The following SEC11A variants were observed in gnomAD, a reference collection of about 807,000 sequenced individuals.
The protein encoded by SEC11A is SEC11 homolog A, signal peptidase complex subunit.
A neutral mutation model predicts 25.6 loss-of-function variants in SEC11A; 14 were observed. The observed-to-expected ratio is 0.55, with a 90% CI of 0.36 to 0.85. The LOEUF (loss-of-function observed/expected upper bound fraction) is 0.85, where lower values mean the gene tolerates loss of function less well. Among genes scored for constraint, SEC11A ranks in the 40% least tolerant of loss-of-function variants. The pLI, the probability that SEC11A is intolerant of heterozygous loss-of-function variation, is 0.01. For synonymous variants in SEC11A, 83 were observed against 76.4 expected (o/e 1.09, Z -0.45); for missense variants, 153 against 222.9 (o/e 0.69, Z 2.00).
At chr15:84,715,983 G>A (rs769744707) in intron 1 of SEC11A, 42 bp downstream of exon 1, 3 of 1,600,244 alleles carry the variant, frequency 1.9e-6, no homozygotes, top group Non-Finnish European at 2.6e-6. Flanking sequence ...AGCCTCGAAG[G>A]GACAAGAAGA....
intron 1 of SEC11A, among the ~76,000 whole-genome samples, chr15:84,707,044 T>G (rs1898115728): frequency 6.6e-6 from 1 of 152,264 alleles, no homozygotes; most frequent in Admixed American, 6.5e-5. Flanking sequence ...TGTGGAATCC[T>G]GTCCCACACT....
intron 1 of SEC11A, among the ~76,000 whole-genome samples, chr15:84,703,199 C>A (rs983700515): frequency 1.3e-5 from 2 of 152,176 alleles, no homozygotes; most frequent in Non-Finnish European, 2.9e-5. Context: ...TAGAGACTAA[C>A]AACTTGACCA....
chr15:84,683,658 G>A (rs141213981), intron 3 of SEC11A, among the ~76,000 whole-genome samples: 255 of 151,972 alleles, frequency 1.7e-3, no homozygotes, highest in African/African-American at 5.9e-3. Context: ...CCGAGCAGCT[G>A]GGATTAAAGG....
chr15:84,714,018 C>CTT (rs34873142), intron 1 of SEC11A, among the ~76,000 whole-genome samples: 2,932 of 100,328 alleles, frequency 0.029, 183 homozygotes, highest in African/African-American at 0.045. Flanking sequence ...CATATACCTT[C>CTT]TTTTTTTTTT....
At chr15:84,710,839 C>T (rs1275123365) in intron 1 of SEC11A, among the ~76,000 whole-genome samples, 2 of 151,560 alleles carry the variant, frequency 1.3e-5, no homozygotes, top group Non-Finnish European at 2.9e-5. Context: ...TTTGGGAGGC[C>T]GAGGTGGGCA....
At chr15:84,711,586 G>A (rs1006515319) in intron 1 of SEC11A, among the ~76,000 whole-genome samples, 4 of 151,884 alleles carry the variant, frequency 2.6e-5, no homozygotes, top group African/African-American at 9.7e-5. Context: ...AGCAGCCTGA[G>A]GCGATCAGAT....
chr15:84,673,431 A>G (rs1293281170), intron 4 of SEC11A: 63 of 74,394 alleles, frequency 8.5e-4, no homozygotes, highest in South Asian at 4.2e-3. Context: ...CTGCCTTGGG[A>G]AAAAAAAAAA....
rs1380923512 is a variant in SEC11A, at chr15:84,708,508, T to G, written c.51+7517A>C. Reference sequence around the variant, plus strand: ...TATTAGGTCTATATCTAAGAAAAATTTCCTAGGTTTCTGTATGTTTCACTA... The same window carrying G: ...TATTAGGTCTATATCTAAGAAAAATGTCCTAGGTTTCTGTATGTTTCACTA... On this transcript the variant is annotated intron_variant, in intron 1 of 5. Coordinates refer to ENST00000268220, the MANE Select transcript of SEC11A (RefSeq NM_014300.4). Among the ~76,000 whole-genome samples the G allele has an allele frequency of 2.6e-5, 4 of 152,082 alleles. No individual in the cohort carries two copies. In the East Asian group the frequency reaches 7.7e-4, roughly 29 times the overall value.
intron 4 of SEC11A, chr15:84,679,951 A>C: frequency 6.5e-7 from 1 of 1,530,726 alleles, no homozygotes; most frequent in Non-Finnish European, 8.8e-7. Context: ...CCTCCACTGA[A>C]CTGTTCTCCT....
At position 84,691,650 on chromosome 15, in the gene SEC11A, A is replaced by G; in HGVS notation, c.52-6T>C. The G allele has an allele frequency of 6.7e-7, 1 of 1,499,320 alleles. No individual in the cohort carries two copies. Among genetic ancestry groups the G allele is most frequent in the Non-Finnish European group, 9.3e-7 (1 of 1,076,126 alleles). 92.9% of individuals were successfully genotyped at this position (1,499,320 alleles called of 1,614,324 possible). A position where few individuals can be genotyped will look rare whatever the true frequency, so the allele number is the denominator to read the frequency against. On this transcript the variant is annotated splice_region_variant and splice_polypyrimidine_tract_variant and intron_variant, in intron 1 of 5. Coordinates refer to ENST00000268220, the MANE Select transcript of SEC11A (RefSeq NM_014300.4). ...TTTAGGACTTGATAATAGAGCTGCA[A>G]GAACAAAACAGAAGAGATCAGATCC... is the stretch of plus-strand genomic sequence containing the variant.
At chr15:84,712,490 C>T (rs918473189) in intron 1 of SEC11A, among the ~76,000 whole-genome samples, 2 of 150,010 alleles carry the variant, frequency 1.3e-5, no homozygotes, top group Non-Finnish European at 3.0e-5. Context: ...CTCTGTCGCC[C>T]AGGCTGGAGT....
intron 4 of SEC11A, among the ~76,000 whole-genome samples, chr15:84,679,621 G>A (rs1897232228): frequency 6.6e-6 from 1 of 152,232 alleles, no homozygotes; most frequent in Admixed American, 6.5e-5. Context: ...TCTAACTAGT[G>A]AGAATTAGCA....
intron 1 of SEC11A, among the ~76,000 whole-genome samples, chr15:84,708,175 C>T (rs534888948): frequency 8.2e-6 from 1 of 122,002 alleles, no homozygotes; most frequent in South Asian, 2.6e-4. Context: ...CACTGCACTT[C>T]AGCCTGGGTG....
rs571824462 is a variant in SEC11A, at chr15:84,689,880, T to G, written c.161+1655A>C. ...GCCTTGGCCTTCCAAAGTGCTGGGA[T>G]TACAGGTGTGAGCCACCACACCCAG... On this transcript the variant is annotated intron_variant, in intron 2 of 5. Coordinates refer to ENST00000268220, the MANE Select transcript of SEC11A (RefSeq NM_014300.4). Among the ~76,000 whole-genome samples, 386 of 152,156 alleles carry G rather than the reference T, an allele frequency of 2.5e-3. 2 individuals carry two copies. Among genetic ancestry groups the G allele is most frequent in the Middle Eastern group, 0.01 (3 of 294 alleles).
At chr15:84,685,520 C>T (rs1467752834) in intron 3 of SEC11A, among the ~76,000 whole-genome samples, 2 of 151,882 alleles carry the variant, frequency 1.3e-5, no homozygotes, top group Non-Finnish European at 1.5e-5. Flanking sequence ...GCACTCCACC[C>T]GCCTCAGCCT....
rs1896937287 is a variant in SEC11A, at chr15:84,669,958, T to G, written c.*61A>C. The G allele has an allele frequency of 9.9e-6, 16 of 1,611,154 alleles. No homozygotes were observed. Among genetic ancestry groups the G allele is most frequent in the Non-Finnish European group, 1.2e-5 (14 of 1,178,858 alleles). ...ATTCCACCAATCACAGACCAGTATC[T>G]ACTCCAAACATCCAGTAACGAAAAC... On this transcript the variant is annotated 3_prime_UTR_variant, in exon 6 of 6. Transcript: ENST00000268220.
chr15:84,686,248 G>T (rs1897418761), intron 3 of SEC11A, among the ~76,000 whole-genome samples: 1 of 151,884 alleles, frequency 6.6e-6, no homozygotes, highest in South Asian at 2.1e-4. Context: ...AATGAAGAAA[G>T]AACTCTTCTA....
At chr15:84,699,653 G>A (rs1202425640) in intron 1 of SEC11A, among the ~76,000 whole-genome samples, 2 of 152,074 alleles carry the variant, frequency 1.3e-5, no homozygotes, top group Admixed American at 6.5e-5. Context: ...AGCCAGGCAC[G>A]GTGGCTCATG....
At chr15:84,673,974 A>G (rs1413951364) in intron 4 of SEC11A, 1 of 152,054 alleles carries the variant, frequency 6.6e-6, no homozygotes, top group Non-Finnish European at 1.5e-5. Flanking sequence ...TCCCAGACCA[A>G]CTAAGCCAGG....
Sources: gnomAD v4.1 joint callset for allele counts (sites outside exome capture counted in the v4.1 genomes callset) on GRCh38, gnomAD v4.1.1 for gene constraint, MANE v1.5 for transcripts, NCBI Gene and HGNC (gene_info 2026-07-23, HGNC 2026-07-21) for gene names.